The following ASIC2 variants were observed in gnomAD, a reference collection of about 807,000 sequenced individuals.
ASIC2 encodes acid sensing ion channel subunit 2, also known as acid-sensing ion channel 2.
In ASIC2, 25 loss-of-function variants were observed where a neutral mutation model predicts 57.3. That is an observed-to-expected ratio of 0.44 (90% confidence interval 0.32 to 0.61). ASIC2 has a LOEUF of 0.61. Ranked by LOEUF, ASIC2 falls within the 20% of genes least tolerant of loss-of-function variation. The pLI is 0.06. For missense variants in ASIC2, 641 were observed against 738.1 expected (o/e 0.87, Z 1.52); for synonymous variants, 319 against 307.5 (o/e 1.04, Z -0.39).
chr17:33,595,706 A>G (rs973815179), intron 1 of ASIC2, among the ~76,000 whole-genome samples: 2 of 152,262 alleles, frequency 1.3e-5, no homozygotes. Flanking sequence ...CTTCATCTGT[A>G]AAAATGGAAT....
chr17:33,331,850 C>A (rs1300548862), intron 1 of ASIC2, among the ~76,000 whole-genome samples: 1 of 152,170 alleles, frequency 6.6e-6, no homozygotes, highest in Non-Finnish European at 1.5e-5. Flanking sequence ...CTGCTAGAAG[C>A]AATAGAGCCA....
chr17:33,581,470 G>A (rs1245620080), intron 1 of ASIC2: 1 of 152,212 alleles, frequency 6.6e-6, no homozygotes, highest in Non-Finnish European at 1.5e-5. Context: ...TTGAGTGTAA[G>A]TTATTCAGTT....
chr17:33,840,395 C>T (rs148893863), intron 1 of ASIC2, among the ~76,000 whole-genome samples: 334 of 152,228 alleles, frequency 2.2e-3, no homozygotes, highest in African/African-American at 7.8e-3. Flanking sequence ...GGAGCAAAGA[C>T]GCTTCAGGCA....
chr17:33,323,238 C>G lies in ASIC2; in HGVS notation c.556-211171G>C, dbSNP rs911563498. Among the ~76,000 whole-genome samples, 7 of 152,306 alleles carry G rather than the reference C, an allele frequency of 4.6e-5. No homozygotes were observed. The South Asian group carries it at 1.5e-3, about 32-fold the overall frequency. On this transcript the variant is annotated intron_variant, in intron 1 of 9. Coordinates refer to the ASIC2 transcript ENST00000359872. Reference sequence around the variant, plus strand: ...ACCGAAAGCCTTGTACAAGGATATTCACAGCAGCACTATTCCTACTAGCCA... The same window carrying G: ...ACCGAAAGCCTTGTACAAGGATATTGACAGCAGCACTATTCCTACTAGCCA...
At chr17:33,849,671 G>A (rs1442952451) in intron 1 of ASIC2, among the ~76,000 whole-genome samples, 2 of 152,136 alleles carry the variant, frequency 1.3e-5, no homozygotes, top group Admixed American at 6.5e-5. Flanking sequence ...GAAGAAAGGG[G>A]AACTGCAAAT....
chr17:33,368,874 G>T (rs1908930017), intron 1 of ASIC2, among the ~76,000 whole-genome samples: 1 of 152,126 alleles, frequency 6.6e-6, no homozygotes, highest in Non-Finnish European at 1.5e-5. Flanking sequence ...GGAGGCCCTG[G>T]AGAGGGACAT....
At chr17:34,057,652 G>A (rs1021232933) in intron 1 of ASIC2, among the ~76,000 whole-genome samples, 10 of 152,162 alleles carry the variant, frequency 6.6e-5, no homozygotes, top group African/African-American at 2.4e-4. Context: ...AGGAAGTAAG[G>A]AAAAAGAGGG....
intron 1 of ASIC2, among the ~76,000 whole-genome samples, chr17:33,922,923 G>A (rs1041476474): frequency 2.6e-5 from 4 of 152,118 alleles, no homozygotes; most frequent in African/African-American, 7.2e-5. Context: ...ACTAGGCTGC[G>A]TGGCAGATGC....
chr17:33,711,585 A>G (rs1168849958), intron 1 of ASIC2, among the ~76,000 whole-genome samples: 1 of 152,210 alleles, frequency 6.6e-6, no homozygotes, highest in African/African-American at 2.4e-5. Flanking sequence ...TAATTGACTC[A>G]CAGTTCTACA....
intron 1 of ASIC2, among the ~76,000 whole-genome samples, chr17:33,633,479 G>A (rs914861238): frequency 6.6e-6 from 1 of 152,158 alleles, no homozygotes; most frequent in Admixed American, 6.5e-5. Context: ...CCCAAACTTG[G>A]CCACAGGGAG....
chr17:33,356,376 T>C (rs1425682445), intron 1 of ASIC2, among the ~76,000 whole-genome samples: 1 of 152,088 alleles, frequency 6.6e-6, no homozygotes, highest in African/African-American at 2.4e-5. Flanking sequence ...AGGCTTCAGA[T>C]CTATGTCCCA....
At chr17:33,048,974 G>A (rs868853331) in intron 3 of ASIC2, among the ~76,000 whole-genome samples, 29 of 152,354 alleles carry the variant, frequency 1.9e-4, no homozygotes, top group Middle Eastern at 3.4e-3. Flanking sequence ...GCTCAACCAA[G>A]TGACATCAGT....
intron 1 of ASIC2, among the ~76,000 whole-genome samples, chr17:33,634,369 A>G (rs1034452383): frequency 1.3e-5 from 2 of 152,226 alleles, no homozygotes; most frequent in Non-Finnish European, 2.9e-5. Context: ...TTCTGGCCCT[A>G]TCCCAAGGTT....
At chr17:33,946,557 C>T (rs1904380855) in intron 1 of ASIC2, among the ~76,000 whole-genome samples, 1 of 152,156 alleles carries the variant, frequency 6.6e-6, no homozygotes, top group Non-Finnish European at 1.5e-5. Context: ...GCACAGTGCT[C>T]AATGCTGTGA....
chr17:33,865,871 C>T (rs891701729), intron 1 of ASIC2, among the ~76,000 whole-genome samples: 3 of 151,378 alleles, frequency 2.0e-5, no homozygotes, highest in African/African-American at 7.3e-5. Flanking sequence ...CTTTTACCAG[C>T]TCCCTACCAC....
intron 1 of ASIC2, among the ~76,000 whole-genome samples, chr17:33,318,009 A>G (rs1218039699): frequency 2.0e-5 from 3 of 152,056 alleles, no homozygotes; most frequent in African/African-American, 4.8e-5. Flanking sequence ...CCTCCAGCAT[A>G]AGCAAAGTCA....
At chr17:34,016,492 CATT>C (rs1318108582) in intron 1 of ASIC2, among the ~76,000 whole-genome samples, 116 of 144,360 alleles carry the variant, frequency 8.0e-4, no homozygotes, top group African/African-American at 2.9e-3. Context: ...TACAGCGCAA[CATT>C]ATGAAATAGG....
At chr17:34,053,362 T>C (rs973289708) in intron 1 of ASIC2, among the ~76,000 whole-genome samples, 9 of 152,246 alleles carry the variant, frequency 5.9e-5, no homozygotes, top group African/African-American at 2.2e-4. Context: ...TTATGGCCTC[T>C]GTGCAAAGCT....
intron 1 of ASIC2, among the ~76,000 whole-genome samples, chr17:34,019,440 T>G (rs1434095099): frequency 1.3e-5 from 2 of 152,184 alleles, no homozygotes; most frequent in Non-Finnish European, 2.9e-5. Flanking sequence ...ACTTCAGTGT[T>G]GTCTTATTTT....
Sources: allele counts gnomAD v4.1 joint callset (sites outside exome capture counted in the v4.1 genomes callset), GRCh38; gene constraint gnomAD v4.1.1; transcripts MANE v1.5; gene names NCBI Gene and HGNC (gene_info 2026-07-23, HGNC 2026-07-21).